The following GLI3 variants were observed in gnomAD, a reference collection of about 807,000 sequenced individuals.
The protein encoded by GLI3 is transcription activator GLI3.
GLI3 carries 20 observed loss-of-function variants against 100.8 expected under a neutral mutation model. The observed-to-expected ratio is 0.20, with a 90% CI of 0.14 to 0.29. GLI3 has a LOEUF of 0.29. GLI3 is among the 10% of genes least tolerant of loss of function. GLI3 has a pLI of 1.00. For missense variants in GLI3, 2,040 were observed against 2,128.5 expected (o/e 0.96, Z 0.82); for synonymous variants, 938 against 860.5 (o/e 1.09, Z -1.58).
chr7:42,058,841 T>G (rs1292718313), intron 4 of GLI3, among the ~76,000 whole-genome samples: 1 of 152,216 alleles, frequency 6.6e-6, no homozygotes, highest in Non-Finnish European at 1.5e-5. Flanking sequence ...AAGAACAATG[T>G]GCCAAATTTG....
At chr7:42,219,493 G>A (rs1336727871) in intron 2 of GLI3, among the ~76,000 whole-genome samples, 1 of 151,704 alleles carries the variant, frequency 6.6e-6, no homozygotes, top group Non-Finnish European at 1.5e-5. Context: ...TCAGTGTTAA[G>A]TGGCAAATGC....
intron 3 of GLI3, among the ~76,000 whole-genome samples, chr7:42,115,550 C>T (rs746780690): frequency 2.0e-4 from 31 of 152,258 alleles, no homozygotes; most frequent in South Asian, 4.2e-4. Flanking sequence ...GTTCAGGTGA[C>T]GTGGATGTTA....
At chr7:42,006,769 T>G (rs538403236) in intron 10 of GLI3, among the ~76,000 whole-genome samples, 18 of 152,264 alleles carry the variant, frequency 1.2e-4, no homozygotes, top group Non-Finnish European at 5.9e-5. Flanking sequence ...TTCTGACACT[T>G]ACAGGATCCC....
chr7:41,969,754 G>A (rs1409817549), intron 13 of GLI3, among the ~76,000 whole-genome samples: 2 of 152,216 alleles, frequency 1.3e-5, no homozygotes, highest in East Asian at 3.9e-4. Flanking sequence ...TCACAATTAG[G>A]AAATTGCTTC....
chr7:41,966,835 G>GC lies in GLI3; in HGVS notation c.2432-195dup, dbSNP rs1374452473. Among the ~76,000 whole-genome samples, 14 of 152,158 alleles carry GC rather than the reference G, an allele frequency of 9.2e-5. No homozygotes were observed. Among genetic ancestry groups the GC allele is most frequent in the African/African-American group, 2.9e-4 (12 of 41,430 alleles). On this transcript the variant is annotated intron_variant, in intron 14 of 14. Coordinates refer to ENST00000395925, the MANE Select transcript of GLI3 (RefSeq NM_000168.6). The surrounding 1 kb of genome is among the most constrained non-coding windows in gnomAD (Gnocchi z 5.8). Reference sequence around the variant, plus strand: ...CACGGCCACAGAGAGCAGTGAGCAAGCAAGCGTGGCGGGGTGTCCATGAAG... The same window carrying GC: ...CACGGCCACAGAGAGCAGTGAGCAAGCCAAGCGTGGCGGGGTGTCCATGAAG...
intron 2 of GLI3, among the ~76,000 whole-genome samples, chr7:42,218,525 T>C (rs377242423): frequency 5.3e-5 from 8 of 151,206 alleles, no homozygotes; most frequent in Middle Eastern, 3.4e-3. Flanking sequence ...TAAAAGCAAA[T>C]TGCAAGGCCA....
chr7:42,203,973 T>C (rs1788098956), intron 2 of GLI3, among the ~76,000 whole-genome samples: 2 of 152,136 alleles, frequency 1.3e-5, no homozygotes, highest in African/African-American at 4.8e-5. Context: ...CACTCCAGCC[T>C]GGGGTGAGAC....
At chr7:42,143,440 A>G (rs372680865) in intron 3 of GLI3, among the ~76,000 whole-genome samples, 23 of 152,344 alleles carry the variant, frequency 1.5e-4, no homozygotes, top group African/African-American at 4.3e-4. Flanking sequence ...CTTGGATAGT[A>G]AGAGAGAGAA....
At chr7:42,041,591 AT>A (rs1784139074) in intron 6 of GLI3, among the ~76,000 whole-genome samples, 2 of 152,214 alleles carry the variant, frequency 1.3e-5, no homozygotes, top group Admixed American at 1.3e-4. Flanking sequence ...TTATAGGAAA[AT>A]GGCAATTTTG....
chr7:42,005,366 C>T (rs903262085), intron 10 of GLI3, among the ~76,000 whole-genome samples: 3 of 151,036 alleles, frequency 2.0e-5, no homozygotes, highest in South Asian at 2.1e-4. Flanking sequence ...TATTTTAGAA[C>T]GTCAAAATTT....
chr7:42,154,806 G>C (rs1210254051), intron 2 of GLI3, among the ~76,000 whole-genome samples: 1 of 152,204 alleles, frequency 6.6e-6, no homozygotes, highest in African/African-American at 2.4e-5. Context: ...AGAATGTCTA[G>C]AGCTTGGCTT....
intron 7 of GLI3, among the ~76,000 whole-genome samples, chr7:42,028,364 A>G (rs1789183185): frequency 6.6e-6 from 1 of 152,212 alleles, no homozygotes; most frequent in Non-Finnish European, 1.5e-5. Flanking sequence ...GGCTTAAAAA[A>G]TCAGTACTTA....
chr7:42,225,517 GCC>G (rs1345585831), intron 1 of GLI3, among the ~76,000 whole-genome samples: 1 of 152,008 alleles, frequency 6.6e-6, no homozygotes. Context: ...CCACCACCAT[GCC>G]CAGCTAATTT....
At chr7:42,102,892 G>A (rs1213091351) in intron 3 of GLI3, among the ~76,000 whole-genome samples, 3 of 152,152 alleles carry the variant, frequency 2.0e-5, no homozygotes, top group Non-Finnish European at 2.9e-5. Context: ...ATGCCTAATT[G>A]TGGCATATTA....
chr7:42,069,346 T>C (rs1271512352), intron 4 of GLI3, among the ~76,000 whole-genome samples: 1 of 152,198 alleles, frequency 6.6e-6, no homozygotes, highest in Non-Finnish European at 1.5e-5. Flanking sequence ...AAGTAAAGTG[T>C]GTATCGGCGG....
intron 2 of GLI3, among the ~76,000 whole-genome samples, chr7:42,201,874 G>T (rs1471541397): frequency 6.6e-6 from 1 of 152,094 alleles, no homozygotes; most frequent in East Asian, 1.9e-4. Context: ...ACAAGGTCAG[G>T]AGATCAAGAC....
intron 2 of GLI3, among the ~76,000 whole-genome samples, chr7:42,159,217 GCTTAA>G (rs1424603165): frequency 2.6e-5 from 4 of 152,164 alleles, no homozygotes; most frequent in South Asian, 2.1e-4. Context: ...TTTGGCTTGT[GCTTAA>G]CTTAACAATA....
intron 10 of GLI3, among the ~76,000 whole-genome samples, chr7:41,995,258 T>C (rs1178764028): frequency 2.0e-5 from 3 of 152,216 alleles, no homozygotes; most frequent in Non-Finnish European, 4.4e-5. Context: ...TTGCCACCCA[T>C]GATGGATGTG....
intron 2 of GLI3, among the ~76,000 whole-genome samples, chr7:42,209,599 G>A (rs567238587): frequency 2.0e-5 from 3 of 152,222 alleles, no homozygotes; most frequent in Non-Finnish European, 4.4e-5. Context: ...CCCCTGTCAT[G>A]GAGACTTGAA....
Sources: allele counts gnomAD v4.1 joint callset (sites outside exome capture counted in the v4.1 genomes callset), GRCh38; gene constraint gnomAD v4.1.1; non-coding constraint Gnocchi (gnomAD v3.1); transcripts MANE v1.5; gene names NCBI Gene and HGNC (gene_info 2026-07-23, HGNC 2026-07-21).